NTRK2: variants seen among roughly 807,000 people sequenced by gnomAD.
NTRK2 encodes the protein BDNF/NT-3 growth factors receptor.
A neutral mutation model predicts 94.5 loss-of-function variants in NTRK2; 13 were observed. The ratio of observed to expected loss-of-function variants is 0.14; its 90% CI spans 0.09 to 0.22. The LOEUF is 0.22. NTRK2 is among the 10% of genes least tolerant of loss of function. The pLI, the probability that NTRK2 is intolerant of heterozygous loss-of-function variation, is 1.00. For missense variants in NTRK2, 639 were observed against 1,071.2 expected (o/e 0.60, Z 5.63); for synonymous variants, 372 against 407.4 (o/e 0.91, Z 1.05).
intron 17 of NTRK2, among the ~76,000 whole-genome samples, chr9:84,979,324 T>C (rs907514616): frequency 6.6e-5 from 10 of 152,174 alleles, no homozygotes; most frequent in Admixed American, 2.0e-4. Flanking sequence ...AGAAGTTGAT[T>C]TCAACCCTTG....
chr9:84,912,805 A>G (rs1161826123), intron 14 of NTRK2, among the ~76,000 whole-genome samples: 2 of 151,620 alleles, frequency 1.3e-5, no homozygotes, highest in Non-Finnish European at 2.9e-5. Context: ...TTTAGTAGAG[A>G]CAGGGTTTCA....
chr9:84,692,562 C>T (rs1238745033), intron 2 of NTRK2, among the ~76,000 whole-genome samples: 1 of 150,944 alleles, frequency 6.6e-6, no homozygotes, highest in East Asian at 1.9e-4. Flanking sequence ...CCTCTGCCTC[C>T]CAGGTTCAAG....
At chr9:84,759,687 T>C (rs763892421) in intron 12 of NTRK2, among the ~76,000 whole-genome samples, 4 of 152,264 alleles carry the variant, frequency 2.6e-5, no homozygotes, top group Non-Finnish European at 5.9e-5. Flanking sequence ...GCTTATGGCC[T>C]ATTTCAGACA....
chr9:85,001,107 A>G (rs1293543861), intron 17 of NTRK2, among the ~76,000 whole-genome samples: 1 of 152,156 alleles, frequency 6.6e-6, no homozygotes, highest in African/African-American at 2.4e-5. Context: ...TTATTCTTAC[A>G]TCAGATTCAA....
Position 84,881,018 on chromosome 9 carries a change from A to G in NTRK2, c.1633+13587A>G, listed in dbSNP as rs145736237. Among the ~76,000 whole-genome samples the G allele has an allele frequency of 2.7e-3, 407 of 152,358 alleles. 2 individuals are homozygous for G. The highest frequency in any genetic ancestry group is 9.4e-3 in the African/African-American group (389 of 41,588). Reference sequence around the variant, plus strand: ...ATTATCAGCTACAAAGCTGCAGAGCATGGCCAGCCCTTTGGGGTGGAGATG... The same window carrying G: ...ATTATCAGCTACAAAGCTGCAGAGCGTGGCCAGCCCTTTGGGGTGGAGATG... On this transcript the variant is annotated intron_variant, in intron 14 of 18. Transcript: ENST00000277120.
intron 9 of NTRK2, among the ~76,000 whole-genome samples, chr9:84,738,033 C>T (rs1439047939): frequency 6.6e-6 from 1 of 151,284 alleles, no homozygotes; most frequent in Non-Finnish European, 1.5e-5. Context: ...AGCTTACATC[C>T]CAGTGAGCTG....
At chr9:84,883,245 C>A (rs2076317919) in intron 14 of NTRK2, among the ~76,000 whole-genome samples, 1 of 152,170 alleles carries the variant, frequency 6.6e-6, no homozygotes, top group Non-Finnish European at 1.5e-5. Flanking sequence ...AGGTTCTCAT[C>A]CAGAAGGACC....
intron 9 of NTRK2, among the ~76,000 whole-genome samples, chr9:84,730,950 GCTA>G (rs994490056): frequency 6.6e-6 from 1 of 151,932 alleles, no homozygotes; most frequent in Non-Finnish European, 1.5e-5. Context: ...AGAAATTTCA[GCTA>G]CTTTCTCCCA....
chr9:84,938,825 T>A (rs1587989952), intron 15 of NTRK2, among the ~76,000 whole-genome samples: 1 of 151,842 alleles, frequency 6.6e-6, no homozygotes, highest in Non-Finnish European at 1.5e-5. Context: ...CCAAGGCAGA[T>A]GAATTGCTTG....
intron 15 of NTRK2, among the ~76,000 whole-genome samples, chr9:84,938,707 G>A (rs2078293497): frequency 6.6e-6 from 1 of 152,128 alleles, no homozygotes; most frequent in African/African-American, 2.4e-5. Flanking sequence ...GGATGGATGG[G>A]TGGGTGCATG....
At chr9:84,822,228 GT>G (rs2072896235) in intron 12 of NTRK2, among the ~76,000 whole-genome samples, 1 of 152,060 alleles carries the variant, frequency 6.6e-6, no homozygotes, top group African/African-American at 2.4e-5. Flanking sequence ...AAACAAAGAA[GT>G]TGTCACCTTC....
At chr9:84,918,615 A>G (rs945862399) in intron 14 of NTRK2, among the ~76,000 whole-genome samples, 2 of 152,190 alleles carry the variant, frequency 1.3e-5, no homozygotes, top group South Asian at 2.1e-4. Flanking sequence ...ATGTTTTTTA[A>G]CAAACTCTTT....
chr9:84,875,412 T>C lies in NTRK2; in HGVS notation c.1633+7981T>C, dbSNP rs2076025714. 4 of 1,061,890 alleles carry C rather than the reference T, an allele frequency of 3.8e-6. No individual in the cohort carries two copies. In the South Asian group the frequency reaches 1.4e-4, roughly 36 times the overall value. 65.8% of individuals were successfully genotyped at this position (1,061,890 alleles called of 1,614,324 possible). On this transcript the variant is annotated intron_variant, in intron 14 of 18. Transcript: ENST00000277120. Reference sequence around the variant, plus strand: ...TTATGCGCTGGAAAGACTCAGGAAATGAGAGGCTCTCTTGTTCTGACAAGG... The same window carrying C: ...TTATGCGCTGGAAAGACTCAGGAAACGAGAGGCTCTCTTGTTCTGACAAGG...
intron 17 of NTRK2, among the ~76,000 whole-genome samples, chr9:85,017,109 T>A (rs960681812): frequency 2.0e-5 from 3 of 152,114 alleles, no homozygotes; most frequent in Admixed American, 1.3e-4. Context: ...AGCCACTTGG[T>A]TAAGGCCAAA....
At chr9:84,803,224 G>T (rs987954628) in intron 12 of NTRK2, among the ~76,000 whole-genome samples, 9 of 152,154 alleles carry the variant, frequency 5.9e-5, no homozygotes, top group African/African-American at 2.2e-4. Context: ...TTGCTCCTGG[G>T]AACAGGCACT....
chr9:84,973,436 T>C (rs999599150), intron 17 of NTRK2, among the ~76,000 whole-genome samples: 1 of 152,196 alleles, frequency 6.6e-6, no homozygotes, highest in African/African-American at 2.4e-5. Context: ...CAAATACTCC[T>C]ACTGTAATGA....
intron 14 of NTRK2, chr9:84,874,538 T>G: frequency 9.4e-7 from 1 of 1,065,024 alleles, no homozygotes; most frequent in Non-Finnish European, 1.1e-6. Flanking sequence ...GGGTTTTTGT[T>G]TGTTTTTGTT....
rs2118064520 is a variant in NTRK2 at position 85,023,010 on chromosome 9, G to A, written c.*1573G>A. On this transcript the variant is annotated 3_prime_UTR_variant, in exon 19 of 19. Coordinates refer to ENST00000277120, the MANE Select transcript of NTRK2 (RefSeq NM_006180.6). ...TCCAAGTGTACTCCATTGTCAGTATGCTGTTTTTGTTTCCTTCACTCCATT... is the reference window on the plus strand; with the variant it reads ...TCCAAGTGTACTCCATTGTCAGTATACTGTTTTTGTTTCCTTCACTCCATT... 1 of 233,130 alleles carries A rather than the reference G, an allele frequency of 4.3e-6. No homozygotes were observed. The highest frequency in any genetic ancestry group is 6.0e-5 in the East Asian group (1 of 16,562). The allele number at this position is 233,130 out of a possible 1,614,324, so 14.4% of individuals were successfully genotyped here.
rs2117934584 is a variant in NTRK2 at position 85,020,259 on chromosome 9, G to A, written c.2226G>A (p.Met742Ile). Residue 742 changes from methionine (M) to isoleucine (I), a missense_variant, in exon 18 of 19, where the codon ATG becomes ATA. By Grantham distance (10) the Met-to-Ile change is conservative (BLOSUM62 1). Coordinates refer to ENST00000277120, the MANE Select transcript of NTRK2 (RefSeq NM_006180.6). Reference sequence around the variant, plus strand: ...GCTGGATGCCTCCAGAGAGCATCATGTACAGGAAATTCACGACGGAAAGCG... The same window carrying A: ...GCTGGATGCCTCCAGAGAGCATCATATACAGGAAATTCACGACGGAAAGCG... Reference protein sequence around the residue: ...PIRWMPPESIMYRKFTTESDV... With the variant: ...PIRWMPPESIIYRKFTTESDV... 1.2e-6 allele frequency: 2 copies of A among 1,614,114 alleles called. No individual in the cohort carries two copies. Among genetic ancestry groups the A allele is most frequent in the Non-Finnish European group, 1.7e-6 (2 of 1,180,024 alleles).
Sources: allele counts gnomAD v4.1 joint callset (sites outside exome capture counted in the v4.1 genomes callset), GRCh38; gene constraint gnomAD v4.1.1; transcripts MANE v1.5; gene names NCBI Gene and HGNC (gene_info 2026-07-23, HGNC 2026-07-21).